The following SAMD12 variants were observed in gnomAD, a reference collection of about 807,000 sequenced individuals.
SAMD12 encodes sterile alpha motif domain-containing protein 12.
Under a neutral mutation model 15.0 loss-of-function variants are expected in SAMD12, and 9 were observed. That is an observed-to-expected ratio of 0.60 (90% CI 0.36 to 1.05). The LOEUF (loss-of-function observed/expected upper bound fraction) is 1.05. SAMD12 is among the 50% of genes least tolerant of loss of function. SAMD12 has a pLI of 0.01. For missense variants in SAMD12, 230 were observed against 234.2 expected (o/e 0.98, Z 0.12); for synonymous variants, 86 against 90.1 (o/e 0.96, Z 0.25).
chr8:118,172,788 A>C, the SAMD12 span, among the ~76,000 whole-genome samples: 1 of 152,070 alleles, frequency 6.6e-6, no homozygotes, highest in African/African-American at 2.4e-5. Context: ...CCTTTTTGAC[A>C]ATTTTTCTGT....
chr8:118,420,086 C>A (rs1013495928), intron 3 of SAMD12, among the ~76,000 whole-genome samples: 2 of 152,180 alleles, frequency 1.3e-5, no homozygotes, highest in African/African-American at 2.4e-5. Flanking sequence ...GCCTTGGAGA[C>A]GTATGATTTC....
At position 118,441,742 on chromosome 8, in the gene SAMD12, G is replaced by T. The variant is rs138893069; in HGVS notation, c.193-1781C>A. 1.7e-3 allele frequency among the ~76,000 whole-genome samples: 262 copies of T among 152,186 alleles called. 1 individual carries two copies. Among genetic ancestry groups the T allele is most frequent in the African/African-American group, 6.0e-3 (248 of 41,522 alleles). The stretch of plus-strand genomic sequence containing the variant: ...GCTCCCTCCTACTCCATTTCAGCAG[G>T]GTTATGTGACCTTCCTGACCAATGT... On this transcript the variant is annotated intron_variant, in intron 2 of 3. Coordinates refer to ENST00000314727, the MANE Select transcript of SAMD12 (RefSeq NM_207506.3).
chr8:118,569,794 AG>A (rs1204113590), intron 2 of SAMD12, among the ~76,000 whole-genome samples: 1 of 152,192 alleles, frequency 6.6e-6, no homozygotes, highest in Non-Finnish European at 1.5e-5. Flanking sequence ...CAAAACTGTG[AG>A]AAATAAATGT....
intron 3 of SAMD12, among the ~76,000 whole-genome samples, chr8:118,398,997 C>T (rs563994557): frequency 6.6e-6 from 1 of 152,226 alleles, no homozygotes; most frequent in Admixed American, 6.5e-5. Context: ...GGTTCTCCCA[C>T]CTCAGCCTCC....
At chr8:118,176,171 T>C in the SAMD12 span, among the ~76,000 whole-genome samples, 1 of 152,114 alleles carries the variant, frequency 6.6e-6, no homozygotes, top group Non-Finnish European at 1.5e-5. Context: ...CATGGTGGCA[T>C]GCGCCTGTAG....
intron 2 of SAMD12, among the ~76,000 whole-genome samples, chr8:118,511,480 T>C (rs1328246887): frequency 1.3e-5 from 2 of 152,050 alleles, no homozygotes; most frequent in Non-Finnish European, 2.9e-5. Context: ...CGTGAATAGA[T>C]GTTTTGTAGA....
intron 2 of SAMD12, 86 bp from the exon 3 acceptor site, chr8:118,440,047 C>T: frequency 7.5e-7 from 1 of 1,335,256 alleles, no homozygotes; most frequent in Non-Finnish European, 1.0e-6. Flanking sequence ...GTGTTAAAGG[C>T]TACAGACTGG....
At chr8:118,619,238 C>G (rs1828326582) in intron 1 of SAMD12, among the ~76,000 whole-genome samples, 2 of 151,970 alleles carry the variant, frequency 1.3e-5, no homozygotes, top group Non-Finnish European at 2.9e-5. Flanking sequence ...AAGAGAAGGG[C>G]ACTTCGAGGT....
chr8:118,217,333 TC>T (rs1223734102), intron 4 of SAMD12, among the ~76,000 whole-genome samples: 1 of 152,174 alleles, frequency 6.6e-6, no homozygotes, highest in Non-Finnish European at 1.5e-5. Flanking sequence ...TCTGCTCCCA[TC>T]TATTCAAAAC....
intron 4 of SAMD12, among the ~76,000 whole-genome samples, chr8:118,338,638 A>G (rs1034382954): frequency 6.6e-6 from 1 of 152,194 alleles, no homozygotes; most frequent in Non-Finnish European, 1.5e-5. Flanking sequence ...ACTTGAAGGC[A>G]TTCAGAATCT....
intron 3 of SAMD12, among the ~76,000 whole-genome samples, chr8:118,384,632 G>A (rs1446435174): frequency 6.6e-6 from 1 of 152,220 alleles, no homozygotes; most frequent in African/African-American, 2.4e-5. Context: ...TTGAGTCACT[G>A]CTTGAGAGAG....
chr8:118,596,507 C>A (rs1349005784), intron 1 of SAMD12, among the ~76,000 whole-genome samples: 2 of 152,190 alleles, frequency 1.3e-5, no homozygotes, highest in Non-Finnish European at 2.9e-5. Flanking sequence ...AGGTCTCAAT[C>A]CATTATAATC....
At chr8:118,429,888 T>G (rs1822345997) in intron 3 of SAMD12, among the ~76,000 whole-genome samples, 1 of 151,982 alleles carries the variant, frequency 6.6e-6, no homozygotes, top group African/African-American at 2.4e-5. Flanking sequence ...AGTGAGATTC[T>G]GTCACACACA....
Position 118,566,744 on chromosome 8 carries a change from T to A in SAMD12, c.192+13971A>T, listed in dbSNP as rs933322670. Among the ~76,000 whole-genome samples, 4 of 152,196 alleles carry A rather than the reference T, an allele frequency of 2.6e-5. No individual in the cohort carries two copies. The East Asian group carries it at 7.7e-4, about 29-fold the overall frequency. ...GACTGTTCATCCAAGGGGGGCAGCT[T>A]CTTGACAACTCCAAATTTAGGCTTA... On this transcript the variant is annotated intron_variant, in intron 2 of 3. Coordinates refer to ENST00000314727, the MANE Select transcript of SAMD12 (RefSeq NM_207506.3).
At chr8:118,496,061 G>A (rs1034222346) in intron 2 of SAMD12, among the ~76,000 whole-genome samples, 4 of 152,024 alleles carry the variant, frequency 2.6e-5, no homozygotes, top group African/African-American at 4.8e-5. Context: ...AGAAATCAGA[G>A]ACAACACAAA....
chr8:118,315,255 A>G (rs1296825662), intron 4 of SAMD12, among the ~76,000 whole-genome samples: 1 of 152,214 alleles, frequency 6.6e-6, no homozygotes, highest in Non-Finnish European at 1.5e-5. Context: ...AAAATTCCCA[A>G]AAAGTGCAAA....
At chr8:118,505,244 GC>G (rs1248396253) in intron 2 of SAMD12, among the ~76,000 whole-genome samples, 3 of 152,122 alleles carry the variant, frequency 2.0e-5, no homozygotes, top group Non-Finnish European at 4.4e-5. Context: ...AAGTCTCAGG[GC>G]TGACTTTGTT....
chr8:118,455,647 G>A (rs1823225667), intron 2 of SAMD12, among the ~76,000 whole-genome samples: 1 of 151,968 alleles, frequency 6.6e-6, no homozygotes, highest in Non-Finnish European at 1.5e-5. Context: ...ATCTTTACCA[G>A]CTGCCTACTC....
chr8:118,169,596 T>G, the SAMD12 span, among the ~76,000 whole-genome samples: 1 of 152,184 alleles, frequency 6.6e-6, no homozygotes, highest in Non-Finnish European at 1.5e-5. Flanking sequence ...CCACTTGTAG[T>G]CTATCAGGCA....
Sources: allele counts gnomAD v4.1 joint callset (sites outside exome capture counted in the v4.1 genomes callset), GRCh38; gene constraint gnomAD v4.1.1; transcripts MANE v1.5; gene names NCBI Gene and HGNC (gene_info 2026-07-23, HGNC 2026-07-21).